CDH13: variants seen among roughly 807,000 people sequenced by gnomAD.
CDH13 encodes the protein cadherin 13.
A neutral mutation model predicts 63.8 loss-of-function variants in CDH13; 24 were observed. That is an observed-to-expected ratio of 0.38 (90% CI 0.27 to 0.53). The LOEUF is 0.53. Ranked by LOEUF, CDH13 falls within the 20% of genes least tolerant of loss-of-function variation. The probability of loss-of-function intolerance (pLI) is 0.85; values close to 1 mark genes in which losing one functional copy is unlikely to be tolerated. For missense variants in CDH13, 1,049 were observed against 903.1 expected, an observed-to-expected ratio of 1.16 and a Z score of -2.07; for synonymous variants, 503 against 355.3, an observed-to-expected ratio of 1.42 and a Z score of -4.67.
chr16:83,150,316 T>A (rs2036922571), intron 4 of CDH13, among the ~76,000 whole-genome samples: 1 of 152,208 alleles, frequency 6.6e-6, no homozygotes, highest in Non-Finnish European at 1.5e-5. Flanking sequence ...CTCTGTCTCA[T>A]GTCTATGTCT....
In CDH13 at chr16:83,271,422, T is replaced by TTAAAAAAAAAAAAAAAAAAA. The variant is rs1555522986; in HGVS notation, c.636+53925_636+53926insTAAAAAAAAAAAAAAAAAAA. On this transcript the variant is annotated intron_variant, in intron 5 of 13. Coordinates refer to ENST00000567109, the MANE Select transcript of CDH13 (RefSeq NM_001257.5). ...CTACCGCACATTGAGGCAGAGTTCATAAAAAAAAAAAAAAAAAAAAAAAAA... is the reference window on the plus strand; with the variant it reads ...CTACCGCACATTGAGGCAGAGTTCATTAAAAAAAAAAAAAAAAAAAAAAAAAAAAAAAAAAAAAAAAAAAA... 1.6e-3 allele frequency among the ~76,000 whole-genome samples: 42 copies of TTAAAAAAAAAAAAAAAAAAA among 26,030 alleles called. 7 individuals are homozygous for TTAAAAAAAAAAAAAAAAAAA. The highest frequency in any genetic ancestry group is 3.8e-3 in the East Asian group (4 of 1,044). The allele number at this position is 26,030 out of a possible 152,430, so 17.1% of individuals were successfully genotyped here. A position where few individuals can be genotyped will look rare whatever the true frequency, so the allele number is the denominator to read the frequency against.
At chr16:82,705,880 A>C (rs1375166007) in intron 1 of CDH13, among the ~76,000 whole-genome samples, 2 of 152,174 alleles carry the variant, frequency 1.3e-5, no homozygotes, top group African/African-American at 2.4e-5. Flanking sequence ...AGATGCTTTT[A>C]CAACAGGTTT....
intron 1 of CDH13, among the ~76,000 whole-genome samples, chr16:82,771,969 A>T (rs1292366760): frequency 6.6e-6 from 1 of 152,194 alleles, no homozygotes; most frequent in Admixed American, 6.5e-5. Context: ...GGCTGCTGGG[A>T]TAGTGGGCAG....
At chr16:83,489,424 A>G (rs1177317144) in intron 7 of CDH13, among the ~76,000 whole-genome samples, 2 of 152,216 alleles carry the variant, frequency 1.3e-5, no homozygotes, top group African/African-American at 4.8e-5. Context: ...GAGGGTTTCC[A>G]GAGTTCATTG....
intron 5 of CDH13, among the ~76,000 whole-genome samples, chr16:83,315,403 G>A (rs1256220065): frequency 2.6e-5 from 4 of 152,158 alleles, no homozygotes; most frequent in Non-Finnish European, 5.9e-5. Flanking sequence ...CAGAACCTTG[G>A]AGTTAACTGT....
At chr16:83,447,693 G>A (rs1015552384) in intron 6 of CDH13, among the ~76,000 whole-genome samples, 1 of 151,628 alleles carries the variant, frequency 6.6e-6, no homozygotes, top group African/African-American at 2.4e-5. Flanking sequence ...GGTAATGGAG[G>A]CTGGAATGTG....
chr16:83,187,545 T>C (rs2038563439), intron 4 of CDH13, among the ~76,000 whole-genome samples: 1 of 152,038 alleles, frequency 6.6e-6, no homozygotes, highest in Admixed American at 6.6e-5. Context: ...GGATGTAGAT[T>C]GGCAGGGGAA....
chr16:82,737,535 C>T (rs938919750), intron 1 of CDH13, among the ~76,000 whole-genome samples: 5 of 152,168 alleles, frequency 3.3e-5, no homozygotes, highest in African/African-American at 1.2e-4. Flanking sequence ...CAATATCAAC[C>T]ACTGCCCCAA....
intron 3 of CDH13, among the ~76,000 whole-genome samples, chr16:83,034,536 C>T (rs1475600623): frequency 6.6e-6 from 1 of 152,100 alleles, no homozygotes; most frequent in African/African-American, 2.4e-5. Flanking sequence ...AATTATGTGG[C>T]AAATATCTAA....
At chr16:83,132,307 G>T (rs547985958) in intron 4 of CDH13, among the ~76,000 whole-genome samples, 9 of 151,950 alleles carry the variant, frequency 5.9e-5, no homozygotes, top group South Asian at 4.2e-4. Flanking sequence ...GGGTTGTCTA[G>T]GGTAACCCAG....
At chr16:83,785,536 A>G (rs141155837) in intron 13 of CDH13, among the ~76,000 whole-genome samples, 2 of 152,316 alleles carry the variant, frequency 1.3e-5, no homozygotes, top group African/African-American at 4.8e-5. Context: ...ATAGCAACAC[A>G]TTATGCTTGT....
chr16:83,062,844 C>T (rs551617576), intron 3 of CDH13, among the ~76,000 whole-genome samples: 110 of 152,270 alleles, frequency 7.2e-4, no homozygotes, highest in Non-Finnish European at 1.2e-3. Context: ...GCTGGAAAAT[C>T]CAAGAAAGCT....
intron 10 of CDH13, among the ~76,000 whole-genome samples, chr16:83,690,042 G>A (rs1464772666): frequency 1.3e-5 from 2 of 151,890 alleles, no homozygotes; most frequent in South Asian, 2.1e-4. Context: ...AAAATTAGCC[G>A]GGCGCCTGTA....
intron 1 of CDH13, among the ~76,000 whole-genome samples, chr16:82,800,478 T>C (rs1185456461): frequency 6.6e-6 from 1 of 152,124 alleles, no homozygotes; most frequent in Non-Finnish European, 1.5e-5. Flanking sequence ...GAGTGAGTCT[T>C]AGAAGGCCCG....
chr16:83,509,703 A>G (rs1056990352), intron 7 of CDH13, among the ~76,000 whole-genome samples: 1 of 152,214 alleles, frequency 6.6e-6, no homozygotes. Flanking sequence ...TGATTTACCA[A>G]AAAGTCCTTT....
At chr16:83,134,627 T>G (rs1479479269) in intron 4 of CDH13, among the ~76,000 whole-genome samples, 3 of 151,998 alleles carry the variant, frequency 2.0e-5, no homozygotes, top group Non-Finnish European at 2.9e-5. Context: ...AATTTGCCTA[T>G]GTATATGATG....
intron 4 of CDH13, among the ~76,000 whole-genome samples, chr16:83,127,120 C>A (rs754621171): frequency 1.3e-5 from 2 of 152,026 alleles, no homozygotes; most frequent in Non-Finnish European, 1.5e-5. Flanking sequence ...ATTGCAAAGG[C>A]CTGAAGATGG....
chr16:83,786,326 T>G (rs563521541), intron 13 of CDH13, among the ~76,000 whole-genome samples: 1 of 152,128 alleles, frequency 6.6e-6, no homozygotes, highest in Non-Finnish European at 1.5e-5. Flanking sequence ...GCAGTGGTAG[T>G]TCCTAAATGC....
At chr16:83,649,404 T>C (rs905630675) in intron 8 of CDH13, among the ~76,000 whole-genome samples, 7 of 152,014 alleles carry the variant, frequency 4.6e-5, no homozygotes, top group African/African-American at 1.4e-4. Flanking sequence ...CAGTGGGAGG[T>C]GAGGAAATAC....
Sources: allele counts gnomAD v4.1 joint callset (sites outside exome capture counted in the v4.1 genomes callset), GRCh38; gene constraint gnomAD v4.1.1; transcripts MANE v1.5; gene names NCBI Gene and HGNC (gene_info 2026-07-23, HGNC 2026-07-21).